Variants in MTOR observed in about 807,000 individuals in gnomAD.
MTOR encodes the protein serine/threonine-protein kinase mTOR.
In MTOR, 70 loss-of-function variants were observed where a neutral mutation model predicts 319.8. The ratio of observed to expected loss-of-function variants is 0.22; its 90% CI spans 0.18 to 0.27. MTOR has a LOEUF of 0.27. MTOR is among the 10% of genes least tolerant of loss of function. The pLI is 1.00. For missense variants in MTOR, 1,890 were observed against 3,274.4 expected, an observed-to-expected ratio of 0.58 and a Z score of 10.32; for synonymous variants, 1,183 against 1,211.4, an observed-to-expected ratio of 0.98 and a Z score of 0.49.
intron 31 of MTOR, among the ~76,000 whole-genome samples, chr1:11,147,713 G>A (rs943682616): frequency 1.3e-5 from 2 of 152,210 alleles, no homozygotes; most frequent in African/African-American, 4.8e-5. Context: ...AGGGACAGAA[G>A]AAGAGAATGG....
At chr1:11,156,847 G>A (rs577084503) in intron 30 of MTOR, among the ~76,000 whole-genome samples, 4 of 152,314 alleles carry the variant, frequency 2.6e-5, no homozygotes, top group African/African-American at 9.6e-5. Context: ...GTAAGAATAT[G>A]AGCTCTTCAC....
chr1:11,192,477 T>C, intron 28 of MTOR: 1 of 927,278 alleles, frequency 1.1e-6, no homozygotes, highest in Non-Finnish European at 1.7e-6. Context: ...AAAATTCGGC[T>C]GGGCGCAGTG....
Position 11,130,556 on chromosome 1 carries a change from T to C in MTOR, c.5586A>G (p.Pro1862=), listed in dbSNP as rs148234483. The change falls in exon 39 of 58, where the codon CCA becomes CCG. Residue 1862 remains proline (P), a synonymous_variant. Transcript: ENST00000361445. ...EAESTENSPT[P]SPLQKKVTED... is the part of the protein sequence containing the mutation. Reference sequence around the variant, plus strand: ...CAGTGACCTTCTTCTGCAGCGGCGATGGGGTGGGGCTGTTCTCGGTGCTCT... The same window carrying C: ...CAGTGACCTTCTTCTGCAGCGGCGACGGGGTGGGGCTGTTCTCGGTGCTCT... 2 of 1,613,086 alleles carry C rather than the reference T, an allele frequency of 1.2e-6. No homozygotes were observed. The highest frequency in any genetic ancestry group is 1.3e-5 in the African/African-American group (1 of 74,812).
intron 15 of MTOR, 44 bp downstream of exon 15, chr1:11,233,354 T>C (rs1289347681): frequency 1.3e-6 from 2 of 1,568,552 alleles, no homozygotes; most frequent in East Asian, 2.2e-5. Context: ...GTTAGTTTCT[T>C]TTCCACCCTA....
chr1:11,170,185 T>C (rs759895973), intron 28 of MTOR, among the ~76,000 whole-genome samples: 47 of 152,250 alleles, frequency 3.1e-4, no homozygotes, highest in Non-Finnish European at 5.9e-4. Flanking sequence ...TAGGAAGCCC[T>C]ATATGAGGTT....
At chr1:11,126,269 G>GC (rs1642833280) in intron 46 of MTOR, among the ~76,000 whole-genome samples, 1 of 151,552 alleles carries the variant, frequency 6.6e-6, no homozygotes, top group Non-Finnish European at 1.5e-5. Context: ...AGAGCCAGAA[G>GC]CCCCCGTTTC....
intron 4 of MTOR, 43 bp downstream of exon 4, chr1:11,256,890 T>C: frequency 6.3e-7 from 1 of 1,579,570 alleles, no homozygotes; most frequent in Non-Finnish European, 8.7e-7. Flanking sequence ...CATGACACCA[T>C]CGTTCCCCAA....
At position 11,212,165 on chromosome 1, in the gene MTOR, T is replaced by A. The variant is rs1024774555; in HGVS notation, c.3561+147A>T. 27 of 967,416 alleles carry A rather than the reference T, an allele frequency of 2.8e-5. No individual in the cohort carries two copies. The highest frequency in any genetic ancestry group is 3.9e-5 in the Non-Finnish European group (26 of 660,672). 59.9% of individuals were successfully genotyped at this position (967,416 alleles called of 1,614,324 possible). A position where few individuals can be genotyped will look rare whatever the true frequency, so the allele number is the denominator to read the frequency against. On this transcript the variant is annotated intron_variant, in intron 23 of 57. Coordinates refer to ENST00000361445, the MANE Select transcript of MTOR (RefSeq NM_004958.4). The surrounding 1 kb of genome is among the most constrained non-coding windows in gnomAD (Gnocchi z 4.1). ...CTCACATAGGTTGCTCAATAAATGT[T>A]TGCTGAACACATGAAAAGAAAAAAA... is the stretch of plus-strand genomic sequence containing the variant.
At chr1:11,227,989 T>TG (rs77266138) in intron 19 of MTOR, among the ~76,000 whole-genome samples, 4,769 of 152,180 alleles carry the variant, frequency 0.031, 150 homozygotes, top group African/African-American at 0.078. Flanking sequence ...TGGGACCAAC[T>TG]GGTGGCAGTA....
At position 11,107,369 on chromosome 1, in the gene MTOR, C is replaced by A; in HGVS notation, c.*116G>T. The A allele has an allele frequency of 1.3e-6, 2 of 1,551,880 alleles. No homozygotes were observed. The highest frequency in any genetic ancestry group is 1.7e-6 in the Non-Finnish European group (2 of 1,156,426). On this transcript the variant is annotated 3_prime_UTR_variant, in exon 58 of 58. Transcript: ENST00000361445. ...AATATACAGTAGTTCTTTTCATTTACATTTCAAAATATTTAACAAAGTCAA... is the reference window on the plus strand; with the variant it reads ...AATATACAGTAGTTCTTTTCATTTAAATTTCAAAATATTTAACAAAGTCAA...
chr1:11,156,799 C>G (rs569553307), intron 30 of MTOR, among the ~76,000 whole-genome samples: 1 of 152,272 alleles, frequency 6.6e-6, no homozygotes, highest in Non-Finnish European at 1.5e-5. Context: ...TTCCTAAAAA[C>G]ATCTGCAAGA....
intron 19 of MTOR, among the ~76,000 whole-genome samples, chr1:11,218,412 A>G (rs1646548940): frequency 6.6e-6 from 1 of 151,944 alleles, no homozygotes. Flanking sequence ...CCTGGGCGAC[A>G]GGGCGAGACT....
chr1:11,144,868 G>C, intron 33 of MTOR, 100 bp downstream of exon 33: 1 of 1,512,230 alleles, frequency 6.6e-7, no homozygotes, highest in Non-Finnish European at 9.2e-7. Context: ...AGAGAAAACA[G>C]GCATGTTTCC....
intron 46 of MTOR, 117 bp from the exon 47 acceptor site, chr1:11,124,750 T>C: frequency 1.7e-6 from 2 of 1,161,366 alleles, no homozygotes; most frequent in Admixed American, 2.9e-5. Flanking sequence ...AATCACACGT[T>C]CCTCACAAAA....
At chr1:11,146,899 T>C (rs1385943241) in intron 31 of MTOR, 108 bp from the exon 32 acceptor site, 2 of 752,704 alleles carry the variant, frequency 2.7e-6, no homozygotes, top group East Asian at 2.6e-5. Context: ...GCTTGGGATA[T>C]AAACAAGACA....
chr1:11,127,096 T>G lies in MTOR; in HGVS notation c.6265A>C (p.Met2089Leu). Residue 2089 changes from methionine to leucine, a missense_variant, in exon 45 of 58, where the codon ATG (methionine) becomes CTG (leucine). Coordinates refer to ENST00000361445, the MANE Select transcript of MTOR (RefSeq NM_004958.4). The surrounding 1 kb of genome is among the most constrained non-coding windows in gnomAD (Gnocchi z 5.5). ...MEAQEWCRKY[M>L]KSGNVKDLTQ... ...AGGTCCTTGACATTCCCTGATTTCA[T>G]GTACTTCCTGCACCACTCTTGGGCC... 6.2e-7 allele frequency: 1 copy of G among 1,614,204 alleles called. No individual in the cohort carries two copies. The highest frequency in any genetic ancestry group is 8.5e-7 in the Non-Finnish European group (1 of 1,180,044).
In MTOR at chr1:11,260,765, A is replaced by C. The variant is rs146554010; in HGVS notation, c.-14-1342T>G. Among the ~76,000 whole-genome samples, 1,020 of 151,614 alleles carry C rather than the reference A, an allele frequency of 6.7e-3. 12 individuals carry two copies. Among genetic ancestry groups the C allele is most frequent in the African/African-American group, 0.023 (963 of 41,378 alleles). On this transcript the variant is annotated intron_variant, in intron 1 of 57. Transcript: ENST00000361445. ...AAAATCTAATGTGCATTTTACACTT[A>C]CAACAATGTCAATTTGGACTAGTCA...
At chr1:11,232,415 T>G in intron 16 of MTOR, 21 bp downstream of exon 16, 1 of 1,590,020 alleles carries the variant, frequency 6.3e-7, no homozygotes, top group Non-Finnish European at 8.6e-7. Flanking sequence ...TCTTGCTCAA[T>G]CAGGAAGCAG....
intron 49 of MTOR, among the ~76,000 whole-genome samples, chr1:11,119,338 G>A (rs1204307335): frequency 6.6e-6 from 1 of 151,498 alleles, no homozygotes; most frequent in Non-Finnish European, 1.5e-5. Context: ...AGGCTGAGGC[G>A]GGCGGATCAT....
Sources: allele counts gnomAD v4.1 joint callset (sites outside exome capture counted in the v4.1 genomes callset), GRCh38; gene constraint gnomAD v4.1.1; non-coding constraint Gnocchi (gnomAD v3.1); transcripts MANE v1.5; gene names NCBI Gene and HGNC (gene_info 2026-07-23, HGNC 2026-07-21).